The following ERG variants were observed in gnomAD, a reference collection of about 807,000 sequenced individuals.
ERG encodes ETS transcription factor ERG.
Under a neutral mutation model 55.3 loss-of-function variants are expected in ERG, and 9 were observed. The observed-to-expected ratio is 0.16, with a 90% CI of 0.10 to 0.28. The LOEUF (loss-of-function observed/expected upper bound fraction) is 0.28. Ranked by LOEUF, ERG falls within the 10% of genes least tolerant of loss-of-function variation. ERG has a pLI of 1.00. For synonymous variants in ERG, 223 were observed against 237.3 expected, an observed-to-expected ratio of 0.94 and a Z score of 0.55; for missense variants, 434 against 631.6, an observed-to-expected ratio of 0.69 and a Z score of 3.35.
chr21:38,451,259 T>C (rs1160841133), intron 1 of ERG: 2 of 492,984 alleles, frequency 4.1e-6, no homozygotes, highest in Non-Finnish European at 8.1e-6. Context: ...TAAGGACTTC[T>C]CTAGGTATAC....
At chr21:38,588,383 T>C (rs1254426835), upstream of ERG, among the ~76,000 whole-genome samples, 1 of 152,102 alleles carries the variant, frequency 6.6e-6, no homozygotes. Flanking sequence ...ACCCCTGGGA[T>C]TCAGTATTCA....
chr21:38,367,876 G>A, the ERG span, among the ~76,000 whole-genome samples: 1 of 152,126 alleles, frequency 6.6e-6, no homozygotes, highest in Non-Finnish European at 1.5e-5. Flanking sequence ...CCTCTGCAGA[G>A]AACAATTAGA....
chr21:38,442,458 A>C (rs2058850538), intron 2 of ERG, among the ~76,000 whole-genome samples: 1 of 152,226 alleles, frequency 6.6e-6, no homozygotes, highest in South Asian at 2.1e-4. Context: ...TCCCGGAAAG[A>C]GACCCTCAGC....
intron 1 of ERG, among the ~76,000 whole-genome samples, chr21:38,469,440 T>A (rs2059121284): frequency 6.6e-6 from 1 of 152,148 alleles, no homozygotes; most frequent in African/African-American, 2.4e-5. Context: ...ACGAACACCA[T>A]CACATGGGCT....
At chr21:38,412,347 T>C (rs991897020) in intron 3 of ERG, among the ~76,000 whole-genome samples, 1 of 152,328 alleles carries the variant, frequency 6.6e-6, no homozygotes, top group African/African-American at 2.4e-5. Context: ...TTTGACATTC[T>C]AGTTCTCTTT....
chr21:38,539,973 T>C (rs1412208399), intron 2 of ERG, among the ~76,000 whole-genome samples: 3 of 149,412 alleles, frequency 2.0e-5, no homozygotes, highest in Non-Finnish European at 4.4e-5. Context: ...CTTGGCTCAC[T>C]GCAACCTCCA....
At chr21:38,377,209 G>A (rs147526470), downstream of ERG, among the ~76,000 whole-genome samples, 828 of 152,334 alleles carry the variant, frequency 5.4e-3, 8 homozygotes, top group African/African-American at 0.018. Flanking sequence ...ACATTGTTTG[G>A]CACTAAGCTA....
intron 3 of ERG, among the ~76,000 whole-genome samples, chr21:38,405,763 T>A (rs972065806): frequency 6.6e-6 from 1 of 152,114 alleles, no homozygotes; most frequent in South Asian, 2.1e-4. Flanking sequence ...AGTACCTAGA[T>A]ACGGGATTTC....
At chr21:38,367,970 A>G in the ERG span, among the ~76,000 whole-genome samples, 1 of 152,216 alleles carries the variant, frequency 6.6e-6, no homozygotes, top group African/African-American at 2.4e-5. Flanking sequence ...CTCAGCTTCC[A>G]TCCTAGGCCT....
rs376622308 is a variant in ERG at position 38,403,495 on chromosome 21, G to T, written c.592+11C>A. ...CACAGCCATCTATCCTTGGAGGAAG[G>T]GGGAGCTTACTCTCTCTGAGGTAGT... is the stretch of plus-strand genomic sequence containing the variant. On this transcript the variant is annotated intron_variant, in intron 4 of 9. Coordinates refer to ENST00000288319, the MANE Select transcript of ERG (RefSeq NM_182918.4). 8.9e-5 allele frequency: 143 copies of T among 1,613,144 alleles called. 1 individual carries two copies. The Admixed American group carries it at 1.1e-3, about 13-fold the overall frequency.
At chr21:38,597,558 T>C (rs929709880) in intron 1 of ERG, among the ~76,000 whole-genome samples, 1 of 152,034 alleles carries the variant, frequency 6.6e-6, no homozygotes. Context: ...CTGTTGGATC[T>C]TTCTGGAGCA....
At chr21:38,482,134 T>C (rs1482265467) in intron 1 of ERG, among the ~76,000 whole-genome samples, 1 of 152,186 alleles carries the variant, frequency 6.6e-6, no homozygotes, top group African/African-American at 2.4e-5. Flanking sequence ...GAAGGGACCA[T>C]CATGTACTCG....
At chr21:38,561,257 C>G (rs1204349992) in intron 2 of ERG, among the ~76,000 whole-genome samples, 1 of 152,154 alleles carries the variant, frequency 6.6e-6, no homozygotes, top group Non-Finnish European at 1.5e-5. Context: ...AAAATATCTT[C>G]TCCCTCTTGG....
chr21:38,433,336 A>G (rs9984089), intron 2 of ERG, among the ~76,000 whole-genome samples: 9,875 of 152,278 alleles, frequency 0.065, 432 homozygotes, highest in Non-Finnish European at 0.088. Context: ...CCACTGGGGA[A>G]GCAGTCAATC....
chr21:38,516,352 G>T (rs1383727937), intron 2 of ERG, among the ~76,000 whole-genome samples: 1 of 151,136 alleles, frequency 6.6e-6, no homozygotes, highest in Non-Finnish European at 1.5e-5. Flanking sequence ...AAATCAAGAA[G>T]AAAATCCCAT....
chr21:38,595,703 G>A (rs906295122), intron 1 of ERG, among the ~76,000 whole-genome samples: 27 of 152,156 alleles, frequency 1.8e-4, no homozygotes, highest in Non-Finnish European at 3.7e-4. Flanking sequence ...AGACTGTGAT[G>A]AAGAATGGAG....
chr21:38,461,551 TAG>T (rs1171158073), intron 1 of ERG, among the ~76,000 whole-genome samples: 1 of 152,174 alleles, frequency 6.6e-6, no homozygotes, highest in Non-Finnish European at 1.5e-5. Context: ...CTATGCTCTG[TAG>T]GTCAGTGATT....
chr21:38,387,656 A>G (rs1417213632), intron 9 of ERG, among the ~76,000 whole-genome samples: 1 of 151,974 alleles, frequency 6.6e-6, no homozygotes, highest in Non-Finnish European at 1.5e-5. Context: ...GAAAGATAAC[A>G]CTCCTCTCCT....
chr21:38,548,672 G>A (rs774738420), intron 2 of ERG, among the ~76,000 whole-genome samples: 6 of 143,548 alleles, frequency 4.2e-5, no homozygotes, highest in Non-Finnish European at 7.5e-5. Context: ...GACCGTGTTA[G>A]CCAGGATGGT....
Sources: gnomAD v4.1 joint callset for allele counts (sites outside exome capture counted in the v4.1 genomes callset) on GRCh38, gnomAD v4.1.1 for gene constraint, MANE v1.5 for transcripts, NCBI Gene and HGNC (gene_info 2026-07-23, HGNC 2026-07-21) for gene names.